Variants in CDH4 observed in about 807,000 individuals in gnomAD.
The protein encoded by CDH4 is cadherin 4, also known as cadherin-4.
In CDH4, 33 loss-of-function variants were observed where a neutral mutation model predicts 86.0. The observed-to-expected ratio is 0.38, with a 90% CI of 0.29 to 0.51. CDH4 has a LOEUF of 0.51. Ranked by LOEUF, CDH4 falls within the 20% of genes least tolerant of loss-of-function variation. The pLI is 0.86. For missense variants in CDH4, 1,114 were observed against 1,307.4 expected (o/e 0.85, Z 2.28); for synonymous variants, 555 against 549.4 (o/e 1.01, Z -0.14).
chr20:61,594,894 A>G (rs2086544183), intron 2 of CDH4, among the ~76,000 whole-genome samples: 1 of 152,182 alleles, frequency 6.6e-6, no homozygotes, highest in African/African-American at 2.4e-5. Context: ...TCATTATCTC[A>G]TGAAGTCCTC....
chr20:61,343,008 A>G (rs576285777), intron 2 of CDH4, among the ~76,000 whole-genome samples: 4 of 152,324 alleles, frequency 2.6e-5, no homozygotes, highest in South Asian at 4.1e-4. Flanking sequence ...CTACGGCCCA[A>G]TGCTCTCAAA....
At chr20:61,404,594 G>C (rs1819226547) in intron 2 of CDH4, among the ~76,000 whole-genome samples, 1 of 152,114 alleles carries the variant, frequency 6.6e-6, no homozygotes, top group Admixed American at 6.5e-5. Context: ...ACGTGGGCAG[G>C]GGATTTGGGA....
rs1299727938 is a variant in CDH4 at position 61,393,204 on chromosome 20, G to A, written c.169+138267G>A. Among the ~76,000 whole-genome samples, 4 of 152,114 alleles carry A rather than the reference G, an allele frequency of 2.6e-5. No homozygotes were observed. The highest frequency in any genetic ancestry group is 7.2e-5 in the African/African-American group (3 of 41,422). On this transcript the variant is annotated intron_variant, in intron 2 of 15. Coordinates refer to ENST00000614565, the MANE Select transcript of CDH4 (RefSeq NM_001794.5). The surrounding 1 kb of genome is among the most constrained non-coding windows in gnomAD (Gnocchi z 4.3). ...TGACATTGACAACACTGTTTAATCG[G>A]TCCTCGCGGGAGCTTCCCTGGGGGT...
chr20:61,609,965 C>T (rs2086672708), intron 2 of CDH4, among the ~76,000 whole-genome samples: 1 of 152,162 alleles, frequency 6.6e-6, no homozygotes, highest in African/African-American at 2.4e-5. Flanking sequence ...TACCCATCAC[C>T]TCAAACACTT....
intron 2 of CDH4, among the ~76,000 whole-genome samples, chr20:61,525,785 C>A (rs2145633406): frequency 1.3e-5 from 2 of 152,296 alleles, no homozygotes; most frequent in South Asian, 4.1e-4. Context: ...CTGCCCCTTG[C>A]CTATCCTCAT....
chr20:61,427,815 C>T (rs1448102626), intron 2 of CDH4, among the ~76,000 whole-genome samples: 1 of 152,076 alleles, frequency 6.6e-6, no homozygotes, highest in Non-Finnish European at 1.5e-5. Context: ...CTCCAAGGAC[C>T]TCCAGTTACC....
At chr20:61,782,959 C>T (rs1310096715) in intron 4 of CDH4, among the ~76,000 whole-genome samples, 2 of 152,144 alleles carry the variant, frequency 1.3e-5, no homozygotes, top group Non-Finnish European at 2.9e-5. Flanking sequence ...GTGGCACATG[C>T]CTATAATCCC....
intron 2 of CDH4, among the ~76,000 whole-genome samples, chr20:61,457,948 A>G (rs374107990): frequency 0.026 from 3,366 of 127,784 alleles, 178 homozygotes; most frequent in African/African-American, 0.096. Context: ...TGGTGGTAAT[A>G]GTGGTGATGG....
rs1309620025 is a variant in CDH4, at chr20:61,566,858, G to A, written c.170-176705G>A. On this transcript the variant is annotated intron_variant, in intron 2 of 15. Coordinates refer to ENST00000614565, the MANE Select transcript of CDH4 (RefSeq NM_001794.5). ...CCTCCTCGGGGAGTTCTGGGTTTGC[G>A]CGGGAGGCTGCCGATGGCACGCGGC... Among the ~76,000 whole-genome samples the A allele has an allele frequency of 2.0e-5, 3 of 151,952 alleles. 1 individual carries two copies. Among genetic ancestry groups the A allele is most frequent in the South Asian group, 4.2e-4 (2 of 4,818 alleles).
chr20:61,615,481 C>T (rs916112385), intron 2 of CDH4, among the ~76,000 whole-genome samples: 1 of 152,214 alleles, frequency 6.6e-6, no homozygotes, highest in Non-Finnish European at 1.5e-5. Context: ...ATCACTGAAG[C>T]ATCAGAGTGC....
chr20:61,541,272 G>T (rs1398309165), intron 2 of CDH4, among the ~76,000 whole-genome samples: 1 of 152,160 alleles, frequency 6.6e-6, no homozygotes, highest in Non-Finnish European at 1.5e-5. Context: ...TGCGGAGAAC[G>T]CCAGGAGGAA....
At chr20:61,738,572 G>C (rs942210218) in intron 2 of CDH4, 3 of 152,310 alleles carry the variant, frequency 2.0e-5, no homozygotes, top group Admixed American at 1.3e-4. Flanking sequence ...CACCCCAGCA[G>C]GACCTGAGGG....
chr20:61,630,973 A>G (rs931706675), intron 2 of CDH4, among the ~76,000 whole-genome samples: 8 of 152,350 alleles, frequency 5.3e-5, no homozygotes, highest in Non-Finnish European at 1.5e-5. Flanking sequence ...GAGCAGGGAT[A>G]GGAGGTGGGC....
intron 2 of CDH4, among the ~76,000 whole-genome samples, chr20:61,565,660 C>T (rs533566334): frequency 6.6e-6 from 1 of 152,190 alleles, no homozygotes; most frequent in South Asian, 2.1e-4. Flanking sequence ...CAGCTGGGGC[C>T]ACAGACCCCT....
At chr20:61,531,014 G>A (rs1475518549) in intron 2 of CDH4, among the ~76,000 whole-genome samples, 1 of 151,772 alleles carries the variant, frequency 6.6e-6, no homozygotes, top group East Asian at 1.9e-4. Context: ...GAAAAGCAAG[G>A]CTCAACAGCC....
chr20:61,426,401 G>A (rs1415574885), intron 2 of CDH4, among the ~76,000 whole-genome samples: 2 of 152,196 alleles, frequency 1.3e-5, no homozygotes, highest in Non-Finnish European at 2.9e-5. Flanking sequence ...GGTGGCTCCA[G>A]TACAGCAAGG....
intron 2 of CDH4, among the ~76,000 whole-genome samples, chr20:61,636,795 C>T (rs1262313838): frequency 2.6e-5 from 4 of 152,232 alleles, no homozygotes; most frequent in African/African-American, 9.6e-5. Context: ...CAGAGGGAAG[C>T]CCAGGAAGCC....
chr20:61,595,686 C>T (rs539357878), intron 2 of CDH4, among the ~76,000 whole-genome samples: 56 of 152,288 alleles, frequency 3.7e-4, no homozygotes, highest in Admixed American at 1.2e-3. Context: ...ATGAAAGTAG[C>T]GAGGCTCGTT....
At chr20:61,760,241 T>G (rs1168296471) in intron 3 of CDH4, among the ~76,000 whole-genome samples, 1 of 152,188 alleles carries the variant, frequency 6.6e-6, no homozygotes, top group Non-Finnish European at 1.5e-5. Context: ...TGAGGCTAAT[T>G]AGGAACAACA....
Sources: gnomAD v4.1 joint callset for allele counts (sites outside exome capture counted in the v4.1 genomes callset) on GRCh38, gnomAD v4.1.1 for gene constraint, Gnocchi (gnomAD v3.1) non-coding constraint, MANE v1.5 for transcripts, NCBI Gene and HGNC (gene_info 2026-07-23, HGNC 2026-07-21) for gene names.